Variants in CCDC33 observed in about 807,000 individuals in gnomAD.
CCDC33 encodes coiled-coil domain containing 33.
Under a neutral mutation model 91.9 loss-of-function variants are expected in CCDC33, and 94 were observed. The ratio of observed to expected loss-of-function variants is 1.02; its 90% confidence interval spans 0.87 to 1.21. The LOEUF (loss-of-function observed/expected upper bound fraction) is 1.21. Among genes scored for constraint, CCDC33 ranks in the 50% most tolerant of loss-of-function variants. The pLI, the probability that CCDC33 is intolerant of heterozygous loss-of-function variation, is 0.00. For synonymous variants in CCDC33, 396 were observed against 374.5 expected (o/e 1.06, Z -0.66); for missense variants, 940 against 935.5 (o/e 1.00, Z -0.06).
chr15:74,235,643 C>T (rs1460708071), upstream of CCDC33, among the ~76,000 whole-genome samples: 1 of 152,118 alleles, frequency 6.6e-6, no homozygotes, highest in African/African-American at 2.4e-5. Flanking sequence ...TTCATTCTGC[C>T]ATCTCACCTC....
chr15:74,217,082 G>A (rs1032849382), upstream of CCDC33: 2 of 290,134 alleles, frequency 6.9e-6, no homozygotes, highest in African/African-American at 4.4e-5. Context: ...AAAAGGAAGG[G>A]ATCGATGGAA....
chr15:74,261,832 G>A (rs1195005279), intron 2 of CCDC33, among the ~76,000 whole-genome samples: 1 of 152,202 alleles, frequency 6.6e-6, no homozygotes, highest in Non-Finnish European at 1.5e-5. Context: ...CTGCCCCCAG[G>A]CCTGGACCCA....
chr15:74,224,248 C>A, intron 2 of CCDC33, among the ~76,000 whole-genome samples: 1 of 152,100 alleles, frequency 6.6e-6, no homozygotes, highest in Non-Finnish European at 1.5e-5. Flanking sequence ...GGGAGAGAGG[C>A]CAGGGGCTAA....
At chr15:74,251,871 G>A (rs971288087) in intron 2 of CCDC33, among the ~76,000 whole-genome samples, 6 of 152,182 alleles carry the variant, frequency 3.9e-5, no homozygotes, top group African/African-American at 7.2e-5. Context: ...CTGGCAAGAG[G>A]GGGGATAAAG....
At chr15:74,276,582 G>C (rs969231623) in intron 7 of CCDC33, among the ~76,000 whole-genome samples, 27 of 152,138 alleles carry the variant, frequency 1.8e-4, no homozygotes, top group African/African-American at 6.5e-4. Flanking sequence ...CTGAGGAGCA[G>C]CCAGGGCATC....
At chr15:74,234,089 C>T (rs552553074), upstream of CCDC33, among the ~76,000 whole-genome samples, 180 of 152,332 alleles carry the variant, frequency 1.2e-3, no homozygotes, top group African/African-American at 4.2e-3. Context: ...CCACATCTGT[C>T]TACCCAGATT....
At chr15:74,324,433 A>G (rs1409332522) in intron 11 of CCDC33, among the ~76,000 whole-genome samples, 1 of 151,936 alleles carries the variant, frequency 6.6e-6, no homozygotes, top group Non-Finnish European at 1.5e-5. Flanking sequence ...CATTCAGACC[A>G]TCTCTAGCGG....
rs776178640 is a variant in CCDC33 at position 74,331,248 on chromosome 15, A to G, written c.1723A>G (p.Arg575Gly). The G allele has an allele frequency of 2.5e-6, 4 of 1,614,018 alleles. No individual in the cohort carries two copies. Among genetic ancestry groups the G allele is most frequent in the African/African-American group, 2.7e-5 (2 of 74,934 alleles). Residue 575 changes from arginine (R) to glycine (G), a missense_variant, in exon 15 of 19, where the codon AGG becomes GGG. Coordinates refer to ENST00000398814, the MANE Select transcript of CCDC33 (RefSeq NM_025055.5). Reference protein sequence around the residue: ...ERVLEDRLQDRSKPPPLNRQQ... With the variant: ...ERVLEDRLQDGSKPPPLNRQQ... ...GGTGCTGGAGGACAGGCTGCAGGACAGGAGCAAGCCCCCTCCTCTGAACAG... is the reference window on the plus strand; with the variant it reads ...GGTGCTGGAGGACAGGCTGCAGGACGGGAGCAAGCCCCCTCCTCTGAACAG...
exon 1 of CCDC33, chr15:74,217,230 G>A: frequency 8.2e-7 from 1 of 1,219,900 alleles, no homozygotes; most frequent in Non-Finnish European, 1.1e-6. Flanking sequence ...CTGTGGGTGA[G>A]AGGGTGCAGT....
At chr15:74,206,412 T>C (rs931944602) in intron 1 of CCDC33, among the ~76,000 whole-genome samples, 2 of 152,162 alleles carry the variant, frequency 1.3e-5, no homozygotes, top group Non-Finnish European at 2.9e-5. Flanking sequence ...GGCTCTGAGC[T>C]GTTAAGAAAG....
intron 11 of CCDC33, chr15:74,311,990 G>A (rs982348302): frequency 1.3e-5 from 2 of 152,160 alleles, no homozygotes; most frequent in Non-Finnish European, 2.9e-5. Flanking sequence ...AGATGAAAGG[G>A]ACAGATGTTA....
chr15:74,278,185 C>G (rs2076499131), intron 7 of CCDC33, among the ~76,000 whole-genome samples: 1 of 152,222 alleles, frequency 6.6e-6, no homozygotes, highest in Non-Finnish European at 1.5e-5. Context: ...ACCCATCTCC[C>G]CAGGGGCAGG....
At chr15:74,221,845 A>G (rs902935802) in intron 2 of CCDC33, among the ~76,000 whole-genome samples, 1 of 151,198 alleles carries the variant, frequency 6.6e-6, no homozygotes, top group Non-Finnish European at 1.5e-5. Flanking sequence ...GCTCCACTAC[A>G]CTCGTCCCAC....
intron 2 of CCDC33, among the ~76,000 whole-genome samples, chr15:74,255,164 G>A (rs1450251529): frequency 6.6e-6 from 1 of 150,484 alleles, no homozygotes; most frequent in Non-Finnish European, 1.5e-5. Context: ...AGACCCACCT[G>A]CCAATATACG....
chr15:74,234,414 T>G (rs545982162), upstream of CCDC33, among the ~76,000 whole-genome samples: 2 of 152,194 alleles, frequency 1.3e-5, no homozygotes, highest in East Asian at 3.9e-4. Context: ...GAGCTCACCT[T>G]GCTGGAGGAA....
chr15:74,290,205 T>A (rs1490801099), intron 10 of CCDC33, among the ~76,000 whole-genome samples: 1 of 148,068 alleles, frequency 6.8e-6, no homozygotes, highest in Non-Finnish European at 1.5e-5. Flanking sequence ...TGAGATGGAG[T>A]CCTGACCTGT....
At chr15:74,318,549 C>G (rs776969590) in intron 11 of CCDC33, 1 of 695,940 alleles carries the variant, frequency 1.4e-6, no homozygotes, top group Non-Finnish European at 2.6e-6. Flanking sequence ...GCAACAGTCC[C>G]TGGGGACCCA....
intron 2 of CCDC33, among the ~76,000 whole-genome samples, chr15:74,249,275 A>C (rs1241018776): frequency 6.6e-6 from 1 of 152,118 alleles, no homozygotes. Flanking sequence ...TCATGAGGTC[A>C]GGAGATCGAG....
At chr15:74,333,333 C>A in intron 16 of CCDC33, 1 of 1,566,576 alleles carries the variant, frequency 6.4e-7, no homozygotes, top group East Asian at 2.4e-5. Context: ...GTGGGTGGCC[C>A]AGGGCCCAGA....
Sources: allele counts gnomAD v4.1 joint callset (sites outside exome capture counted in the v4.1 genomes callset), GRCh38; gene constraint gnomAD v4.1.1; transcripts MANE v1.5; gene names NCBI Gene and HGNC (gene_info 2026-07-23, HGNC 2026-07-21).